The following CDH16 variants were observed in gnomAD, a reference collection of about 807,000 sequenced individuals.
CDH16 encodes cadherin 16.
CDH16 carries 79 observed loss-of-function variants against 87.6 expected under a neutral mutation model. The observed-to-expected ratio is 0.90, with a 90% CI of 0.75 to 1.09. The LOEUF (loss-of-function observed/expected upper bound fraction) is 1.09. Ranked by LOEUF, CDH16 falls within the 50% of genes least tolerant of loss-of-function variation. The probability of loss-of-function intolerance (pLI) is 0.00; values close to 1 mark genes in which losing one functional copy is unlikely to be tolerated. For missense variants in CDH16, 1,124 were observed against 1,071.7 expected (o/e 1.05, Z -0.68); for synonymous variants, 457 against 439.5 (o/e 1.04, Z -0.50).
Position 66,909,396 on chromosome 16 carries a change from G to C in CDH16, c.2276-13C>G. ...CGACACACGATCACTGAGGGGAGAG[G>C]GGAGGAAGGTAAGGGGAGGGAGGGG... is the stretch of plus-strand genomic sequence containing the variant. On this transcript the variant is annotated splice_polypyrimidine_tract_variant and intron_variant, in intron 16 of 17. Transcript: ENST00000299752. This position sits in a 1 kb window ranked among gnomAD's most constrained non-coding sequence, Gnocchi z 4.1. The C allele has an allele frequency of 6.3e-7, 1 of 1,579,828 alleles. No individual in the cohort carries two copies. The highest frequency in any genetic ancestry group is 8.7e-7 in the Non-Finnish European group (1 of 1,152,046).
rs1383472986 is a variant in CDH16 at position 66,909,562 on chromosome 16, TTGGGAGGCCGAAA to T, written c.2276-192_2276-180del. On this transcript the variant is annotated intron_variant, in intron 16 of 17. Coordinates refer to ENST00000299752, the MANE Select transcript of CDH16 (RefSeq NM_004062.4). This position sits in a 1 kb window ranked among gnomAD's most constrained non-coding sequence, Gnocchi z 4.1. ...GGCTCACACCTGTAATCCCAGCCCT[TTGGGAGGCCGAAA>T]TGGGTGGATCACTTAAGCCAGGAGT... Among the ~76,000 whole-genome samples, 1 of 152,078 alleles carries T rather than the reference TTGGGAGGCCGAAA, an allele frequency of 6.6e-6. No homozygotes were observed. The highest frequency in any genetic ancestry group is 2.4e-5 in the African/African-American group (1 of 41,422).
In CDH16 at chr16:66,911,921, C is replaced by CGGA. The variant is rs768731406; in HGVS notation, c.1765_1767dup (p.Ser589dup). 6.2e-7 allele frequency: 1 copy of CGGA among 1,607,636 alleles called. No individual in the cohort carries two copies. The highest frequency in any genetic ancestry group is 8.5e-7 in the Non-Finnish European group (1 of 1,175,686). ...CACCTGAGGGTTCGGCTGATGGGGT[C>CGGA]GGAGGGCTGGATGGTCAGCAGGAAA... On this transcript the variant is annotated inframe_insertion, in exon 13 of 18. Coordinates refer to ENST00000299752, the MANE Select transcript of CDH16 (RefSeq NM_004062.4).
intron 3 of CDH16, among the ~76,000 whole-genome samples, chr16:66,917,294 C>T (rs987313104): frequency 2.0e-5 from 3 of 151,750 alleles, no homozygotes; most frequent in Admixed American, 1.3e-4. Context: ...AGCGAAACTT[C>T]GTCTCAAAAG....
chr16:66,912,944 AC>A, intron 9 of CDH16, 53 bp from the exon 10 acceptor site: 1 of 1,509,970 alleles, frequency 6.6e-7, no homozygotes, highest in Non-Finnish European at 9.1e-7. Flanking sequence ...TGGAGACCTT[AC>A]CCCACCCACT....
In CDH16 at chr16:66,911,250, G is replaced by C; in HGVS notation, c.1856C>G (p.Thr619Ser). ...CTGGGCGCCCTGCAGGGACTGGGCG[G>C]TGTGCACCTCCCCGGAGAATTTCTC... Reference protein sequence around the residue: ...CIEKFSGEVHTAQSLQGAQPG... With the variant: ...CIEKFSGEVHSAQSLQGAQPG... The change falls in exon 14 of 18, where the codon ACC becomes AGC. Residue 619 changes from threonine to serine, a missense_variant. Coordinates refer to ENST00000299752, the MANE Select transcript of CDH16 (RefSeq NM_004062.4). The C allele has an allele frequency of 6.2e-7, 1 of 1,613,380 alleles. No individual in the cohort carries two copies. Among genetic ancestry groups the C allele is most frequent in the Non-Finnish European group, 8.5e-7 (1 of 1,179,766 alleles).
At position 66,914,326 on chromosome 16, in the gene CDH16, G is replaced by C. The variant is rs1962578137; in HGVS notation, c.670C>G (p.Gln224Glu). The C allele has an allele frequency of 6.2e-7, 1 of 1,614,138 alleles. No individual in the cohort carries two copies. The highest frequency in any genetic ancestry group is 8.5e-7 in the Non-Finnish European group (1 of 1,179,958). The change falls in exon 7 of 18, where the codon CAG (glutamine) becomes GAG (glutamate). Residue 224 changes from glutamine to glutamate, a missense_variant. By Grantham distance (29) the Gln-to-Glu change is conservative. Coordinates refer to ENST00000299752, the MANE Select transcript of CDH16 (RefSeq NM_004062.4). ...GAGACTTCCACGGTGGCAGTGGCCT[G>C]GTGGCCTGAGGCCTGGTCACCCATG... The part of the protein sequence containing the change: ...KDMGDQASGH[Q>E]ATATVEVSII...
At chr16:66,914,824 G>A (rs115167952) in intron 6 of CDH16, among the ~76,000 whole-genome samples, 54 of 152,234 alleles carry the variant, frequency 3.5e-4, no homozygotes, top group African/African-American at 1.3e-3. Context: ...ACGGGTGAAT[G>A]CGTGGCTGGC....
Position 66,909,376 on chromosome 16 carries a change from C to A in CDH16, c.2283G>T (p.Val761=), listed in dbSNP as rs908854862. Reference sequence around the variant, plus strand: ...ACTGCCCCTCCACGTTGCAGCGACACACGATCACTGAGGGGAGAGGGGAGG... The same window carrying A: ...ACTGCCCCTCCACGTTGCAGCGACAAACGATCACTGAGGGGAGAGGGGAGG... ...QMWQLLVRVI[V]CRCNVEGQCM... Residue 761 remains valine, a synonymous_variant, in exon 17 of 18, where the codon GTG becomes GTT. Coordinates refer to ENST00000299752, the MANE Select transcript of CDH16 (RefSeq NM_004062.4). This position sits in a 1 kb window ranked among gnomAD's most constrained non-coding sequence, Gnocchi z 4.1. The A allele has an allele frequency of 6.2e-7, 1 of 1,605,744 alleles. No individual in the cohort carries two copies. The highest frequency in any genetic ancestry group is 8.5e-7 in the Non-Finnish European group (1 of 1,174,174).
chr16:66,911,916 G>T lies in CDH16; in HGVS notation c.1773C>A (p.Pro591=). The change falls in exon 13 of 18, where the codon CCC becomes CCA. Residue 591 remains proline (P), a synonymous_variant. Coordinates refer to ENST00000299752, the MANE Select transcript of CDH16 (RefSeq NM_004062.4). ...SFLLTIQPSD[P]ISRTLRFSLV... is the part of the protein sequence containing the mutation. ...TAGCTCACCTGAGGGTTCGGCTGATGGGGTCGGAGGGCTGGATGGTCAGCA... is the reference window on the plus strand; with the variant it reads ...TAGCTCACCTGAGGGTTCGGCTGATTGGGTCGGAGGGCTGGATGGTCAGCA... 1 of 1,602,534 alleles carries T rather than the reference G, an allele frequency of 6.2e-7. No individual in the cohort carries two copies. Among genetic ancestry groups the T allele is most frequent in the East Asian group, 2.2e-5 (1 of 44,636 alleles).
intron 13 of CDH16, 126 bp from the exon 14 acceptor site, chr16:66,911,441 G>T: frequency 1.1e-6 from 1 of 932,890 alleles, no homozygotes; most frequent in Non-Finnish European, 1.6e-6. Context: ...CCACAGCAAA[G>T]CCTGGGGGGC....
chr16:66,914,355 T>C lies in CDH16; in HGVS notation c.641A>G (p.Lys214Arg). The part of the protein sequence containing the change: ...ERTYQLLVQV[K>R]DMGDQASGHQ... The stretch of plus-strand genomic sequence containing the variant: ...GCCTGAGGCCTGGTCACCCATGTCC[T>C]TGACCTGTACCAACAGCTGGTAGGT... The change falls in exon 7 of 18, where the codon AAG becomes AGG. Residue 214 changes from lysine (K) to arginine (R), a missense_variant. Lys to Arg is a conservative substitution (Grantham distance 26). Coordinates refer to ENST00000299752, the MANE Select transcript of CDH16 (RefSeq NM_004062.4). The C allele has an allele frequency of 6.2e-7, 1 of 1,614,226 alleles. No homozygotes were observed. Among genetic ancestry groups the C allele is most frequent in the Non-Finnish European group, 8.5e-7 (1 of 1,180,030 alleles).
chr16:66,911,646 T>C (rs948134126), intron 13 of CDH16, among the ~76,000 whole-genome samples: 3 of 152,174 alleles, frequency 2.0e-5, no homozygotes, highest in African/African-American at 7.2e-5. Context: ...TGGGGGGCAT[T>C]GGAGGAGGGC....
chr16:66,917,421 C>T (rs1281088986), intron 3 of CDH16, among the ~76,000 whole-genome samples: 2 of 151,672 alleles, frequency 1.3e-5, no homozygotes, highest in African/African-American at 4.8e-5. Flanking sequence ...GATATATATG[C>T]AAATATTCCA....
rs1249501836 is a variant in CDH16, at chr16:66,910,084, G to A, written c.2177C>T (p.Ala726Val). 1 of 1,610,878 alleles carries A rather than the reference G, an allele frequency of 6.2e-7. No individual in the cohort carries two copies. The highest frequency in any genetic ancestry group is 8.5e-7 in the Non-Finnish European group (1 of 1,178,314). ...WRLQTLNGSH[A>V]YLTLALHWVE... Reference sequence around the variant, plus strand: ...CCAATGCAGGGCCAAGGTGAGGTAGGCATGGGAACCTTTTGGGACAGCAGG... The same window carrying A: ...CCAATGCAGGGCCAAGGTGAGGTAGACATGGGAACCTTTTGGGACAGCAGG... The change falls in exon 16 of 18, where the codon GCC (alanine) becomes GTC (valine). Residue 726 changes from alanine (A) to valine (V), a missense_variant. Ala to Val is a moderately conservative substitution (Grantham distance 64). Coordinates refer to ENST00000299752, the MANE Select transcript of CDH16 (RefSeq NM_004062.4).
chr16:66,908,559 C>T, intron 17 of CDH16, 70 bp from the exon 18 acceptor site: 1 of 1,184,486 alleles, frequency 8.4e-7, no homozygotes, highest in Non-Finnish European at 1.3e-6. Flanking sequence ...CGAGGGACTT[C>T]CTGTGATTGG....
chr16:66,913,331 C>A (rs770919585), intron 8 of CDH16, 50 bp from the exon 9 acceptor site: 1 of 1,549,892 alleles, frequency 6.5e-7, no homozygotes, highest in Non-Finnish European at 8.7e-7. Context: ...GCAGCTCCAG[C>A]CTTGCCTGGC....
intron 6 of CDH16, 86 bp from the exon 7 acceptor site, chr16:66,914,498 C>T (rs1962589600): frequency 1.0e-6 from 1 of 956,102 alleles, no homozygotes; most frequent in Non-Finnish European, 1.6e-6. Flanking sequence ...AGACACAAAA[C>T]CAAGCATACA....
chr16:66,917,922 G>C (rs149790080), intron 2 of CDH16, 99 bp downstream of exon 2: 3 of 1,156,806 alleles, frequency 2.6e-6, no homozygotes, highest in Non-Finnish European at 3.7e-6. Context: ...GCCTTGCACC[G>C]TTCTCACGGT....
chr16:66,910,065 C>T lies in CDH16; in HGVS notation c.2196G>A (p.Leu732=). ...NGSHAYLTLA[L]HWVEPREHII... Reference sequence around the variant, plus strand: ...TGTGTTCACGTGGCTCCACCCAATGCAGGGCCAAGGTGAGGTAGGCATGGG... The same window carrying T: ...TGTGTTCACGTGGCTCCACCCAATGTAGGGCCAAGGTGAGGTAGGCATGGG... The change falls in exon 16 of 18, where the codon CTG becomes CTA. Residue 732 remains leucine (L), a synonymous_variant. Transcript: ENST00000299752. The T allele has an allele frequency of 4.3e-6, 7 of 1,612,800 alleles. No homozygotes were observed. The highest frequency in any genetic ancestry group is 1.3e-5 in the African/African-American group (1 of 75,026).
Sources: gnomAD v4.1 joint callset for allele counts (sites outside exome capture counted in the v4.1 genomes callset) on GRCh38, gnomAD v4.1.1 for gene constraint, Gnocchi (gnomAD v3.1) non-coding constraint, MANE v1.5 for transcripts, NCBI Gene and HGNC (gene_info 2026-07-23, HGNC 2026-07-21) for gene names.